The following TMED10 variants were observed in gnomAD, a reference collection of about 807,000 sequenced individuals.
The protein encoded by TMED10 is transmembrane emp24 domain-containing protein 10.
Under a neutral mutation model 23.1 loss-of-function variants are expected in TMED10, and 7 were observed. The ratio of observed to expected loss-of-function variants is 0.30; its 90% CI spans 0.17 to 0.57. The LOEUF is 0.57. TMED10 is among the 20% of genes least tolerant of loss of function. TMED10 has a pLI of 0.91. For synonymous variants in TMED10, 113 were observed against 106.9 expected (o/e 1.06, Z -0.35); for missense variants, 162 against 274.8 (o/e 0.59, Z 2.90).
rs1895710785 is a variant in TMED10, at chr14:75,133,383, A to C, written c.*1502T>G. The C allele has an allele frequency of 6.6e-6, 1 of 152,254 alleles. No homozygotes were observed. Among genetic ancestry groups the C allele is most frequent in the African/African-American group, 2.4e-5 (1 of 41,464 alleles). 9.4% of individuals were successfully genotyped at this position (152,254 alleles called of 1,614,324 possible). On this transcript the variant is annotated 3_prime_UTR_variant, in exon 5 of 5. Transcript: ENST00000303575. ...TACATAGATGGCAAATTAGCACACA[A>C]AAAGATACTCAACATCATTAGCCAT...
At chr14:75,163,203 T>C (rs1016917515) in intron 1 of TMED10, among the ~76,000 whole-genome samples, 3 of 151,962 alleles carry the variant, frequency 2.0e-5, no homozygotes, top group African/African-American at 7.3e-5. Context: ...GATCATGTCA[T>C]TGCACTTCAG....
chr14:75,169,161 T>C (rs906446249), intron 1 of TMED10, among the ~76,000 whole-genome samples: 1 of 152,208 alleles, frequency 6.6e-6, no homozygotes, highest in African/African-American at 2.4e-5. Context: ...GGCCTTATTT[T>C]AGACAAGCAT....
At chr14:75,141,511 C>G (rs1302652245) in intron 3 of TMED10, among the ~76,000 whole-genome samples, 1 of 152,112 alleles carries the variant, frequency 6.6e-6, no homozygotes, top group East Asian at 1.9e-4. Context: ...CATATATGCT[C>G]ACAATGTAGT....
rs1398460605 is a variant in TMED10 at position 75,134,620 on chromosome 14, C to T, written c.*265G>A. The T allele has an allele frequency of 2.8e-6, 1 of 358,078 alleles. No individual in the cohort carries two copies. The highest frequency in any genetic ancestry group is 5.3e-6 in the Non-Finnish European group (1 of 188,838). The allele number at this position is 358,078 out of a possible 1,614,324, so 22.2% of individuals were successfully genotyped here. A position where few individuals can be genotyped will look rare whatever the true frequency, so the allele number is the denominator to read the frequency against. On this transcript the variant is annotated 3_prime_UTR_variant, in exon 5 of 5. Transcript: ENST00000303575. The stretch of plus-strand genomic sequence containing the variant: ...CTGACTTTGGCATTATCTAGGTAAC[C>T]CCTATTTTTTGTCATAGGTGACTCT...
At chr14:75,159,578 G>C (rs555116501) in intron 1 of TMED10, among the ~76,000 whole-genome samples, 2 of 152,304 alleles carry the variant, frequency 1.3e-5, no homozygotes, top group South Asian at 4.1e-4. Flanking sequence ...TCCAAGATAT[G>C]AACAGTGTCC....
In TMED10 at chr14:75,133,255, TATCTAGGA is replaced by T. The variant is rs1350429988; in HGVS notation, c.*1622_*1629del. On this transcript the variant is annotated 3_prime_UTR_variant, in exon 5 of 5. Transcript: ENST00000303575. ...AACCACATATCTAACAGAGGAATTT[TATCTAGGA>T]TATATAAAAAACCTCTCAAAACTCA... 9 of 152,224 alleles carry T rather than the reference TATCTAGGA, an allele frequency of 5.9e-5. No individual in the cohort carries two copies. The highest frequency in any genetic ancestry group is 1.2e-4 in the Non-Finnish European group (8 of 68,042). 9.4% of individuals were successfully genotyped at this position (152,224 alleles called of 1,614,324 possible).
rs776728771 is a variant in TMED10, at chr14:75,135,812, A to T, written c.486T>A (p.Val162=). ...RRLEDLSESI[V]NDFAYMKKRE... is the part of the protein sequence containing the mutation. ...TCTTCTTCATGTAGGCAAAATCATT[A>T]ACAATAGATTCTGAAAGGTCTTCTA... The change falls in exon 4 of 5, where the codon GTT becomes GTA. Residue 162 remains valine, a synonymous_variant. Coordinates refer to ENST00000303575, the MANE Select transcript of TMED10 (RefSeq NM_006827.6). 5.0e-6 allele frequency: 8 copies of T among 1,614,072 alleles called. No individual in the cohort carries two copies. Among genetic ancestry groups the T allele is most frequent in the Non-Finnish European group, 6.8e-6 (8 of 1,180,026 alleles).
At chr14:75,147,185 G>GTTTTCTTTTTT (rs1895894875) in intron 3 of TMED10, among the ~76,000 whole-genome samples, 1 of 116,634 alleles carries the variant, frequency 8.6e-6, no homozygotes, top group Non-Finnish European at 1.7e-5. Flanking sequence ...CTTCAAGGCT[G>GTTTTCTTTTTT]TTTTTTTTTT....
At chr14:75,163,368 C>G (rs781584579) in intron 1 of TMED10, among the ~76,000 whole-genome samples, 1 of 151,938 alleles carries the variant, frequency 6.6e-6, no homozygotes, top group Admixed American at 6.6e-5. Context: ...TCTTGCCTAA[C>G]ACGGTGAAAC....
rs758500905 is a variant in TMED10, at chr14:75,176,510, G to A, written c.70C>T (p.Leu24Phe). ...ATGGCAAGGACCAATCTGGGGCCGAGCAGGAACAAAAGCAGCAACGCTAAC... is the reference window on the plus strand; with the variant it reads ...ATGGCAAGGACCAATCTGGGGCCGAACAGGAACAAAAGCAGCAACGCTAAC... ...FPLALLLLFL[L>F]GPRLVLAISF... Residue 24 changes from leucine to phenylalanine, a missense_variant, in exon 1 of 5, where the codon CTC (leucine) becomes TTC (phenylalanine). Leu to Phe is a conservative substitution (Grantham distance 22). This residue lies in a region of TMED10 where 36 missense variants were observed against 35.2 expected (regional missense o/e 1.02). Transcript: ENST00000303575. The A allele has an allele frequency of 1.9e-6, 3 of 1,614,100 alleles. No individual in the cohort carries two copies. The highest frequency in any genetic ancestry group is 2.7e-5 in the African/African-American group (2 of 74,936).
At position 75,176,517 on chromosome 14, in the gene TMED10, C is replaced by A; in HGVS notation, c.63G>T (p.Leu21Phe). ...GGACCAATCTGGGGCCGAGCAGGAA[C>A]AAAAGCAGCAACGCTAACGGAAAAG... is the stretch of plus-strand genomic sequence containing the variant. ...RGPFPLALLL[L>F]FLLGPRLVLA... Residue 21 changes from leucine (L) to phenylalanine (F), a missense_variant, in exon 1 of 5, where the codon TTG becomes TTT. Leu to Phe is a conservative substitution (Grantham distance 22). Transcript: ENST00000303575. 2 of 1,614,188 alleles carry A rather than the reference C, an allele frequency of 1.2e-6. No homozygotes were observed. The highest frequency in any genetic ancestry group is 8.5e-7 in the Non-Finnish European group (1 of 1,180,038).
In TMED10 at chr14:75,158,193, C is replaced by T. The variant is rs1896044120; in HGVS notation, c.226-6050G>A. On this transcript the variant is annotated intron_variant, in intron 1 of 4. Transcript: ENST00000303575. ...CCTTAGAGAGATCAGCAGGCAGCCA[C>T]AAGGTAAAGACCTTGAAGTTAGCAT... 2.6e-5 allele frequency among the ~76,000 whole-genome samples: 4 copies of T among 152,288 alleles called. No homozygotes were observed. In the South Asian group the frequency reaches 8.3e-4, roughly 32 times the overall value.
intron 2 of TMED10, among the ~76,000 whole-genome samples, chr14:75,148,276 A>G (rs888522964): frequency 6.6e-6 from 1 of 152,156 alleles, no homozygotes; most frequent in African/African-American, 2.4e-5. Context: ...TGAAAAGAAC[A>G]TAAGTTTTAT....
chr14:75,136,454 C>T (rs1895751006), intron 3 of TMED10, among the ~76,000 whole-genome samples: 1 of 152,192 alleles, frequency 6.6e-6, no homozygotes, highest in Non-Finnish European at 1.5e-5. Flanking sequence ...CCACCATGCC[C>T]AGCTGATTTT....
chr14:75,136,272 C>G (rs1895748677), intron 3 of TMED10, among the ~76,000 whole-genome samples: 1 of 152,128 alleles, frequency 6.6e-6, no homozygotes, highest in African/African-American at 2.4e-5. Flanking sequence ...AATCCTCTTG[C>G]CTCAGCATCC....
At chr14:75,135,152 T>A in intron 4 of TMED10, 146 bp from the exon 5 acceptor site, 1 of 1,089,692 alleles carries the variant, frequency 9.2e-7, no homozygotes, top group Non-Finnish European at 1.3e-6. Context: ...TTTTTCTTTT[T>A]AAGTTCATTA....
intron 1 of TMED10, among the ~76,000 whole-genome samples, chr14:75,169,563 CAGG>C (rs1485162171): frequency 8.5e-5 from 13 of 152,252 alleles, no homozygotes; most frequent in African/African-American, 3.1e-4. Context: ...GAGGCTGAGG[CAGG>C]AGAATTGCTT....
Position 75,172,309 on chromosome 14 carries a change from T to C in TMED10, c.225+4046A>G, listed in dbSNP as rs574608818. Among the ~76,000 whole-genome samples, 54 of 151,214 alleles carry C rather than the reference T, an allele frequency of 3.6e-4. 1 individual carries two copies. Among genetic ancestry groups the C allele is most frequent in the African/African-American group, 1.3e-3 (53 of 40,796 alleles). ...TGGACTGGGTATCAAGGAATCATTG[T>C]TCTTTTTTTTTTTTTGGAGACAGAG... On this transcript the variant is annotated intron_variant, in intron 1 of 4. Transcript: ENST00000303575.
At chr14:75,164,566 TATATA>T (rs1412224097) in intron 1 of TMED10, among the ~76,000 whole-genome samples, 20 of 2,808 alleles carry the variant, frequency 7.1e-3, no homozygotes, top group African/African-American at 0.018. Flanking sequence ...TATATATATA[TATATA>T]TATATATTTT....
Sources: allele counts gnomAD v4.1 joint callset (sites outside exome capture counted in the v4.1 genomes callset), GRCh38; gene constraint gnomAD v4.1.1; regional missense constraint gnomAD v4.1.1; transcripts MANE v1.5; gene names NCBI Gene and HGNC (gene_info 2026-07-23, HGNC 2026-07-21).